Variants in AFF2 observed in about 807,000 individuals in gnomAD.
AFF2 encodes ALF transcription elongation factor 2.
AFF2 carries 14 observed loss-of-function variants against 76.9 expected under a neutral mutation model. That is an observed-to-expected ratio of 0.18 (90% CI 0.12 to 0.28). The LOEUF (loss-of-function observed/expected upper bound fraction) is 0.28. AFF2 is among the 10% of genes least tolerant of loss of function. The probability of loss-of-function intolerance (pLI) is 1.00; values close to 1 mark genes in which losing one functional copy is unlikely to be tolerated. For missense variants in AFF2, 868 were observed against 1,001.1 expected (o/e 0.87, Z 1.79); for synonymous variants, 398 against 366.7 (o/e 1.09, Z -0.98).
At chrX:148,827,198 TGA>T (rs2070398437) in intron 4 of AFF2, among the ~76,000 whole-genome samples, 1 of 111,435 alleles carries the variant, frequency 9.0e-6, no homozygotes, top group South Asian at 3.8e-4. Flanking sequence ...TCAGGAATAA[TGA>T]GAGACCAAAG....
At chrX:148,596,953 T>C (rs546868471) in intron 1 of AFF2, among the ~76,000 whole-genome samples, 1 of 111,840 alleles carries the variant, frequency 8.9e-6, no homozygotes, top group South Asian at 3.7e-4. Flanking sequence ...ATGGACCATG[T>C]TAACACTTCC....
intron 10 of AFF2, among the ~76,000 whole-genome samples, chrX:148,954,986 A>G (rs1409804792): frequency 8.9e-6 from 1 of 112,597 alleles, no homozygotes; most frequent in African/African-American, 3.2e-5. Flanking sequence ...GTCTGCATGC[A>G]TGTTCCTATA....
At position 148,652,120 on chromosome X, in the gene AFF2, G is replaced by A; in HGVS notation, c.169G>A (p.Val57Ile). 1 of 1,195,787 alleles carries A rather than the reference G, an allele frequency of 8.4e-7. No individual in the cohort carries two copies. Among genetic ancestry groups the A allele is most frequent in the South Asian group, 1.8e-5 (1 of 54,827 alleles). The change falls in exon 2 of 21, where the codon GTA (valine) becomes ATA (isoleucine). Residue 57 changes from valine to isoleucine, a missense_variant. Val to Ile is a conservative substitution (Grantham distance 29). Transcript: ENST00000370460. ...TGATCTTTTTGGGGAGCCATACAAGGTAGCTGAATATGTATGTAATTTTTC... is the reference window on the plus strand; with the variant it reads ...TGATCTTTTTGGGGAGCCATACAAGATAGCTGAATATGTATGTAATTTTTC... ...GFDLFGEPYK[V>I]AEYTNKGDAL...
In AFF2 at chrX:148,717,259, C is replaced by T. The variant is rs781990641; in HGVS notation, c.1041+54491C>T. Among the ~76,000 whole-genome samples, 151 of 111,907 alleles carry T rather than the reference C, an allele frequency of 1.3e-3. 2 individuals are homozygous for T. Among genetic ancestry groups the T allele is most frequent in the Non-Finnish European group, 2.6e-3 (138 of 53,115 alleles). ...AAATGAATGAAGTACGAATACATAC[C>T]ACAACATAGATGAACCATAACAACA... On this transcript the variant is annotated intron_variant, in intron 3 of 20. Coordinates refer to ENST00000370460, the MANE Select transcript of AFF2 (RefSeq NM_002025.4).
At chrX:148,816,933 C>CAA (rs143691805) in intron 4 of AFF2, among the ~76,000 whole-genome samples, 4,779 of 84,336 alleles carry the variant, frequency 0.057, 190 homozygotes, top group African/African-American at 0.13. Context: ...AAGATCTATG[C>CAA]AAAAAAAAAA....
chrX:148,837,497 T>G, intron 4 of AFF2, 150 bp from the exon 5 acceptor site: 1 of 390,819 alleles, frequency 2.6e-6, no homozygotes, highest in Non-Finnish European at 4.4e-6. Context: ...AAGCATCTGC[T>G]GGATGGTCCA....
chrX:148,635,900 C>G (rs2054025681), intron 1 of AFF2, among the ~76,000 whole-genome samples: 1 of 110,324 alleles, frequency 9.1e-6, no homozygotes, highest in African/African-American at 3.3e-5. Context: ...GTATCCTGGC[C>G]CAGCATTAGT....
chrX:148,662,091 A>G lies in AFF2; in HGVS notation c.364A>G (p.Ile122Val). The change falls in exon 3 of 21, where the codon ATA becomes GTA. Residue 122 changes from isoleucine to valine, a missense_variant. This residue lies in a region of AFF2 where 196 missense variants were observed against 194.8 expected (regional missense o/e 1.01). Transcript: ENST00000370460. ...PSFFPEQKNR[I>V]IPPHQDNTHP... The stretch of plus-strand genomic sequence containing the variant: ...CTTTTTTCCAGAACAAAAGAACAGA[A>G]TAATTCCACCTCACCAGGATAATAC... 8.3e-7 allele frequency: 1 copy of G among 1,209,486 alleles called. No homozygotes were observed. The highest frequency in any genetic ancestry group is 1.1e-6 in the Non-Finnish European group (1 of 893,304).
intron 1 of AFF2, among the ~76,000 whole-genome samples, chrX:148,563,588 G>T (rs1379695428): frequency 8.9e-6 from 1 of 112,052 alleles, no homozygotes; most frequent in Admixed American, 9.5e-5. Flanking sequence ...CAAGAGGATA[G>T]TGGTGCCATT....
At chrX:148,502,624 C>T (rs1330163430) in intron 1 of AFF2, among the ~76,000 whole-genome samples, 2 of 112,352 alleles carry the variant, frequency 1.8e-5, no homozygotes, top group African/African-American at 6.5e-5. Context: ...AATTATTGCT[C>T]AATTAGATAT....
intron 3 of AFF2, among the ~76,000 whole-genome samples, chrX:148,750,650 C>T (rs962075233): frequency 9.0e-6 from 1 of 111,552 alleles, no homozygotes; most frequent in Admixed American, 9.6e-5. Flanking sequence ...CTGGAAAAGT[C>T]AATGAACATT....
In AFF2 at chrX:148,760,333, G is replaced by T. The variant is rs782711979; in HGVS notation, c.1042-49543G>T. ...TGGAGCTGCTTAAAAAGCCAGACTG[G>T]AGTTTTCTATGGGCCTTCTTAAAAA... is the stretch of plus-strand genomic sequence containing the variant. On this transcript the variant is annotated intron_variant, in intron 3 of 20. Coordinates refer to ENST00000370460, the MANE Select transcript of AFF2 (RefSeq NM_002025.4). Among the ~76,000 whole-genome samples the T allele has an allele frequency of 3.6e-5, 4 of 111,982 alleles. No homozygotes were observed. In the East Asian group the frequency reaches 1.1e-3, roughly 32 times the overall value.
intron 1 of AFF2, among the ~76,000 whole-genome samples, chrX:148,555,817 G>A (rs1315236086): frequency 8.9e-6 from 1 of 112,506 alleles, no homozygotes; most frequent in East Asian, 2.8e-4. Flanking sequence ...TTATGCATCT[G>A]ATTATGCACA....
At chrX:148,693,439 G>T (rs1479545625) in intron 3 of AFF2, among the ~76,000 whole-genome samples, 1 of 112,087 alleles carries the variant, frequency 8.9e-6, no homozygotes, top group Non-Finnish European at 1.9e-5. Flanking sequence ...ACACACCATG[G>T]ACGTGTTCAT....
chrX:148,590,874 C>T (rs782005717), intron 1 of AFF2, among the ~76,000 whole-genome samples: 57 of 111,880 alleles, frequency 5.1e-4, no homozygotes, highest in African/African-American at 1.9e-3. Flanking sequence ...ATAACTGGAT[C>T]GTAACTACTC....
At chrX:148,717,574 C>T (rs1557263481) in intron 3 of AFF2, among the ~76,000 whole-genome samples, 1 of 111,647 alleles carries the variant, frequency 9.0e-6, no homozygotes, top group East Asian at 2.8e-4. Flanking sequence ...GTAGTTTTAC[C>T]TACATTTAAA....
chrX:148,800,331 C>T (rs1393364101), intron 3 of AFF2, among the ~76,000 whole-genome samples: 4 of 111,827 alleles, frequency 3.6e-5, no homozygotes, highest in Non-Finnish European at 7.5e-5. Context: ...AAAGTAGAGC[C>T]ACTTTCTATC....
At chrX:148,859,611 T>C (rs1239102369) in intron 7 of AFF2, among the ~76,000 whole-genome samples, 3 of 110,662 alleles carry the variant, frequency 2.7e-5, no homozygotes, top group African/African-American at 9.8e-5. Context: ...TGAAAGTTTG[T>C]ATGAATAAAA....
At chrX:148,960,168 T>A (rs1232138402) in intron 12 of AFF2, among the ~76,000 whole-genome samples, 1 of 112,665 alleles carries the variant, frequency 8.9e-6, no homozygotes, top group Non-Finnish European at 1.9e-5. Context: ...CATAGCTTTA[T>A]TTAGCAGCTC....
Sources: allele counts gnomAD v4.1 joint callset (sites outside exome capture counted in the v4.1 genomes callset), GRCh38; gene constraint gnomAD v4.1.1; regional missense constraint gnomAD v4.1.1; transcripts MANE v1.5; gene names NCBI Gene and HGNC (gene_info 2026-07-23, HGNC 2026-07-21).